The following RPRD2 variants were observed in gnomAD, a reference collection of about 807,000 sequenced individuals.
RPRD2 encodes the protein regulation of nuclear pre-mRNA domain-containing protein 2.
In RPRD2, 12 loss-of-function variants were observed where a neutral mutation model predicts 104.4. That is an observed-to-expected ratio of 0.11 (90% confidence interval 0.07 to 0.19). The LOEUF (loss-of-function observed/expected upper bound fraction) is 0.19, where lower values mean the gene tolerates loss of function less well. RPRD2 is among the 10% of genes least tolerant of loss of function. The pLI is 1.00. For missense variants in RPRD2, 1,543 were observed against 1,790.1 expected (o/e 0.86, Z 2.49); for synonymous variants, 714 against 684.9 (o/e 1.04, Z -0.66).
In RPRD2 at chr1:150,472,524, T is replaced by G; in HGVS notation, c.3576T>G (p.His1192Gln). 6.2e-7 allele frequency: 1 copy of G among 1,613,970 alleles called. No homozygotes were observed. Among genetic ancestry groups the G allele is most frequent in the South Asian group, 1.1e-5 (1 of 91,074 alleles). The change falls in exon 11 of 11, where the codon CAT (histidine) becomes CAG (glutamine). Residue 1192 changes from histidine (H) to glutamine (Q), a missense_variant. Transcript: ENST00000369068. ...ACAGTTTCAACTCAACATTTGAGCA[T>G]CATCTTCCCCCATCCCCCTTGGAAC... ...RSNSFNSTFE[H>Q]HLPPSPLEHG...
At chr1:150,449,639 CATATT>C (rs1248474454) in intron 7 of RPRD2, among the ~76,000 whole-genome samples, 1 of 151,908 alleles carries the variant, frequency 6.6e-6, no homozygotes, top group African/African-American at 2.4e-5. Context: ...GGATACCAGT[CATATT>C]AGATTAGGGC....
chr1:150,422,810 G>A (rs1664859975), intron 2 of RPRD2, among the ~76,000 whole-genome samples: 1 of 152,084 alleles, frequency 6.6e-6, no homozygotes, highest in East Asian at 1.9e-4. Flanking sequence ...ATGCCTTTAA[G>A]GTGTTTATTG....
rs587687866 is a variant in RPRD2, at chr1:150,424,287, AT to A, written c.335+6572del. 3.6e-3 allele frequency among the ~76,000 whole-genome samples: 530 copies of A among 148,506 alleles called. 5 individuals are homozygous for A. The East Asian group carries it at 0.048, about 13-fold the overall frequency. Reference sequence around the variant, plus strand: ...AAGCAGATTGGATTTTATTATTTCTATTTTTTTTTTCTTTTTATTTGAGATG... The same window carrying A: ...AAGCAGATTGGATTTTATTATTTCTATTTTTTTTTCTTTTTATTTGAGATG... On this transcript the variant is annotated intron_variant, in intron 2 of 10. Coordinates refer to ENST00000369068, the MANE Select transcript of RPRD2 (RefSeq NM_015203.5).
At chr1:150,467,493 C>T (rs1246165036) in intron 10 of RPRD2, among the ~76,000 whole-genome samples, 1 of 152,098 alleles carries the variant, frequency 6.6e-6, no homozygotes, top group Non-Finnish European at 1.5e-5. Flanking sequence ...CTTGCCTCAG[C>T]CTCTCGAGTA....
At chr1:150,395,855 C>G (rs1662480236) in intron 1 of RPRD2, among the ~76,000 whole-genome samples, 1 of 152,176 alleles carries the variant, frequency 6.6e-6, no homozygotes, top group African/African-American at 2.4e-5. Context: ...TGGGTAGATA[C>G]TCAGTATTGG....
chr1:150,473,184 A>G lies in RPRD2; in HGVS notation c.4236A>G (p.Ile1412Met), dbSNP rs2102451494. ...GAGACACCATCAGCCGGAGTGGTATAATCTTACGGAGTCCCCGGCCAGACT... is the reference window on the plus strand; with the variant it reads ...GAGACACCATCAGCCGGAGTGGTATGATCTTACGGAGTCCCCGGCCAGACT... ...SHRDTISRSG[I>M]ILRSPRPDFR... The change falls in exon 11 of 11, where the codon ATA becomes ATG. Residue 1412 changes from isoleucine (I) to methionine (M), a missense_variant. Coordinates refer to ENST00000369068, the MANE Select transcript of RPRD2 (RefSeq NM_015203.5). 6.2e-6 allele frequency: 10 copies of G among 1,613,948 alleles called. No individual in the cohort carries two copies. Among genetic ancestry groups the G allele is most frequent in the Non-Finnish European group, 7.6e-6 (9 of 1,179,864 alleles).
chr1:150,395,354 G>A (rs1345981492), intron 1 of RPRD2, among the ~76,000 whole-genome samples: 1 of 108,482 alleles, frequency 9.2e-6, no homozygotes, highest in Non-Finnish European at 1.9e-5. Flanking sequence ...TCATGGCTGA[G>A]TAGTATTCCA....
At position 150,418,232 on chromosome 1, in the gene RPRD2, G is replaced by A. The variant is rs1402409471; in HGVS notation, c.335+507G>A. Among the ~76,000 whole-genome samples, 19 of 152,104 alleles carry A rather than the reference G, an allele frequency of 1.2e-4. 1 individual carries two copies. Among genetic ancestry groups the A allele is most frequent in the Admixed American group, 1.2e-3 (19 of 15,256 alleles). Reference sequence around the variant, plus strand: ...TCCACCTGCTTCAGCCTCCCAAAGTGCTGGGATTACAGGCGTGAGCCACTG... The same window carrying A: ...TCCACCTGCTTCAGCCTCCCAAAGTACTGGGATTACAGGCGTGAGCCACTG... On this transcript the variant is annotated intron_variant, in intron 2 of 10. Coordinates refer to ENST00000369068, the MANE Select transcript of RPRD2 (RefSeq NM_015203.5).
intron 1 of RPRD2, among the ~76,000 whole-genome samples, chr1:150,403,600 CCTT>C (rs1572404584): frequency 6.6e-6 from 1 of 152,056 alleles, no homozygotes; most frequent in African/African-American, 2.4e-5. Context: ...AGAATTTTCT[CCTT>C]CTTATGGGTG....
At chr1:150,424,287 A>T (rs1264686691) in intron 2 of RPRD2, among the ~76,000 whole-genome samples, 1 of 148,412 alleles carries the variant, frequency 6.7e-6, no homozygotes, top group African/African-American at 2.5e-5. Flanking sequence ...TATTATTTCT[A>T]TTTTTTTTTT....
At chr1:150,464,081 C>T (rs1296752376) in intron 9 of RPRD2, among the ~76,000 whole-genome samples, 1 of 152,120 alleles carries the variant, frequency 6.6e-6, no homozygotes, top group Non-Finnish European at 1.5e-5. Context: ...CAACTCTTGT[C>T]TCACTGCAAC....
intron 2 of RPRD2, among the ~76,000 whole-genome samples, chr1:150,438,861 A>G (rs1666205228): frequency 6.6e-6 from 1 of 151,512 alleles, no homozygotes; most frequent in African/African-American, 2.4e-5. Context: ...TTTTAAACGG[A>G]GTCTCACTCT....
At chr1:150,408,859 T>C (rs587633445) in intron 1 of RPRD2, 1 of 152,348 alleles carries the variant, frequency 6.6e-6, no homozygotes, top group African/African-American at 2.4e-5. Flanking sequence ...ACAGCCTGTT[T>C]TGCAAATGAA....
chr1:150,429,085 G>T (rs1412166119), intron 2 of RPRD2, among the ~76,000 whole-genome samples: 4 of 148,944 alleles, frequency 2.7e-5, no homozygotes, highest in African/African-American at 9.8e-5. Flanking sequence ...TGACATTGTG[G>T]TCAGTAGTGG....
chr1:150,456,786 G>A (rs781953070), intron 7 of RPRD2, among the ~76,000 whole-genome samples: 79 of 149,472 alleles, frequency 5.3e-4, no homozygotes, highest in Non-Finnish European at 8.9e-4. Flanking sequence ...TTAGCCGGGT[G>A]TGGTGGTGCA....
At position 150,471,248 on chromosome 1, in the gene RPRD2, C is replaced by T; in HGVS notation, c.2300C>T (p.Thr767Ile). The T allele has an allele frequency of 1.9e-6, 3 of 1,613,860 alleles. No individual in the cohort carries two copies. Among genetic ancestry groups the T allele is most frequent in the Non-Finnish European group, 2.5e-6 (3 of 1,179,864 alleles). Reference sequence around the variant, plus strand: ...CCTGGTTCCTCAACACCCAGCAGTACAAGATCACCACCCCCTGGGAGAGAT... The same window carrying T: ...CCTGGTTCCTCAACACCCAGCAGTATAAGATCACCACCCCCTGGGAGAGAT... ...ISPGSSTPSSTRSPPPGRDES... is the reference protein window; with the variant it reads ...ISPGSSTPSSIRSPPPGRDES... Residue 767 changes from threonine to isoleucine, a missense_variant, in exon 11 of 11, where the codon ACA (threonine) becomes ATA (isoleucine). Around this residue, in one of 4 missense-constraint regions of RPRD2, gnomAD observed 880 missense variants for 885.6 expected, o/e 0.99. Transcript: ENST00000369068. This position sits in a 1 kb window ranked among gnomAD's most constrained non-coding sequence, Gnocchi z 5.3.
chr1:150,415,879 A>G (rs781891199), intron 1 of RPRD2, among the ~76,000 whole-genome samples: 1 of 152,138 alleles, frequency 6.6e-6, no homozygotes, highest in East Asian at 1.9e-4. Context: ...TTTCCATTTA[A>G]TGATTTTTGC....
intron 2 of RPRD2, among the ~76,000 whole-genome samples, chr1:150,434,710 G>A (rs144439806): frequency 0.017 from 2,578 of 152,156 alleles, 75 homozygotes; most frequent in African/African-American, 0.056. Flanking sequence ...CTAGCTACTC[G>A]GGAGGCTGAG....
Position 150,471,320 on chromosome 1 carries a change from C to T in RPRD2, c.2372C>T (p.Pro791Leu). 6.2e-7 allele frequency: 1 copy of T among 1,613,420 alleles called. No homozygotes were observed. Among genetic ancestry groups the T allele is most frequent in the Non-Finnish European group, 8.5e-7 (1 of 1,179,814 alleles). ...TCCAATTCTGTATCTACATATCGAC[C>T]CTTTGGTCTGGGCAGTGAATCTCCC... ...ELSNSVSTYRPFGLGSESPYK... is the reference protein window; with the variant it reads ...ELSNSVSTYRLFGLGSESPYK... The change falls in exon 11 of 11, where the codon CCC (proline) becomes CTC (leucine). Residue 791 changes from proline to leucine, a missense_variant. Coordinates refer to ENST00000369068, the MANE Select transcript of RPRD2 (RefSeq NM_015203.5). This position sits in a 1 kb window ranked among gnomAD's most constrained non-coding sequence, Gnocchi z 5.3.
Sources: gnomAD v4.1 joint callset for allele counts (sites outside exome capture counted in the v4.1 genomes callset) on GRCh38, gnomAD v4.1.1 for gene constraint, gnomAD v4.1.1 regional missense constraint, Gnocchi (gnomAD v3.1) non-coding constraint, MANE v1.5 for transcripts, NCBI Gene and HGNC (gene_info 2026-07-23, HGNC 2026-07-21) for gene names.